RBPMS: variants seen among roughly 807,000 people sequenced by gnomAD.
RBPMS encodes RNA-binding protein with multiple splicing.
RBPMS carries 7 observed loss-of-function variants against 26.8 expected under a neutral mutation model. The ratio of observed to expected loss-of-function variants is 0.26; its 90% confidence interval spans 0.15 to 0.49. RBPMS has a LOEUF of 0.49. Among genes scored for constraint, RBPMS ranks in the 20% least tolerant of loss-of-function variants. The pLI, the probability that RBPMS is intolerant of heterozygous loss-of-function variation, is 0.98. For missense variants in RBPMS, 186 were observed against 250.0 expected (o/e 0.74, Z 1.73); for synonymous variants, 96 against 93.3 (o/e 1.03, Z -0.17).
At chr8:30,460,988 G>A (rs1485880602) in intron 1 of RBPMS, among the ~76,000 whole-genome samples, 1 of 150,294 alleles carries the variant, frequency 6.7e-6, no homozygotes, top group Non-Finnish European at 1.5e-5. Context: ...GGTAGGTGGA[G>A]TTTGTAGTGA....
At chr8:30,495,057 G>A (rs1819783713) in intron 4 of RBPMS, among the ~76,000 whole-genome samples, 1 of 152,172 alleles carries the variant, frequency 6.6e-6, no homozygotes, top group Non-Finnish European at 1.5e-5. Context: ...ATGAGGATGA[G>A]ATTAGGCTTC....
chr8:30,549,638 G>A (rs1197356900), intron 6 of RBPMS: 11 of 1,376,772 alleles, frequency 8.0e-6, no homozygotes, highest in Admixed American at 3.4e-5. Context: ...AGGGGCGGAC[G>A]GGGAGGCCAG....
At chr8:30,449,277 AGTCTT>A (rs1273229040) in intron 1 of RBPMS, among the ~76,000 whole-genome samples, 1 of 151,690 alleles carries the variant, frequency 6.6e-6, no homozygotes, top group African/African-American at 2.4e-5. Flanking sequence ...TTTCTGACTT[AGTCTT>A]ATGTTCAGAT....
intron 1 of RBPMS, among the ~76,000 whole-genome samples, chr8:30,439,228 C>G (rs971987205): frequency 6.6e-6 from 1 of 152,150 alleles, no homozygotes; most frequent in African/African-American, 2.4e-5. Flanking sequence ...TGGAGATAAA[C>G]TTTGTGTGTG....
intron 5 of RBPMS, among the ~76,000 whole-genome samples, chr8:30,531,019 T>C (rs186029946): frequency 1.8e-4 from 27 of 152,270 alleles, no homozygotes; most frequent in Admixed American, 1.4e-3. Flanking sequence ...TATGCAACTT[T>C]TTCCATCTTT....
rs1818043578 is a variant in RBPMS, at chr8:30,479,433, T to C, written c.246+56T>C. On this transcript the variant is annotated intron_variant, in intron 4 of 8. Transcript: ENST00000397323. Reference sequence around the variant, plus strand: ...TTCCATATGAGGTGGTGGGAAGTAATGGAATCTCTTTGGACGGGAAATCAA... The same window carrying C: ...TTCCATATGAGGTGGTGGGAAGTAACGGAATCTCTTTGGACGGGAAATCAA... 8.0e-6 allele frequency: 10 copies of C among 1,250,596 alleles called. No homozygotes were observed. The East Asian group carries it at 2.3e-4, about 29-fold the overall frequency. The allele number at this position is 1,250,596 out of a possible 1,614,324, so 77.5% of individuals were successfully genotyped here. A position where few individuals can be genotyped will look rare whatever the true frequency, so the allele number is the denominator to read the frequency against.
At chr8:30,508,643 C>T (rs1821294580) in intron 5 of RBPMS, among the ~76,000 whole-genome samples, 1 of 151,644 alleles carries the variant, frequency 6.6e-6, no homozygotes, top group Admixed American at 6.6e-5. Flanking sequence ...TGGTAACATA[C>T]CATAGTTTTA....
At chr8:30,430,309 A>G (rs913862123) in intron 1 of RBPMS, among the ~76,000 whole-genome samples, 2 of 152,182 alleles carry the variant, frequency 1.3e-5, no homozygotes, top group Non-Finnish European at 2.9e-5. Flanking sequence ...GAAGAGAATC[A>G]TACTACTTTA....
rs999139429 is a variant in RBPMS, at chr8:30,454,729, AT to A, written c.67-20048del. 4.6e-5 allele frequency among the ~76,000 whole-genome samples: 7 copies of A among 152,342 alleles called. No individual in the cohort carries two copies. In the South Asian group the frequency reaches 1.2e-3, roughly 27 times the overall value. On this transcript the variant is annotated intron_variant, in intron 1 of 8. Coordinates refer to ENST00000397323, the MANE Select transcript of RBPMS (RefSeq NM_001008710.3). ...ACTTTAGGGTACTACTGTGTTACAC[AT>A]TGTTGAATCTATTATTTGTGTGTAT...
intron 2 of RBPMS, among the ~76,000 whole-genome samples, chr8:30,475,566 G>T (rs1817597204): frequency 1.3e-5 from 2 of 152,176 alleles, no homozygotes; most frequent in South Asian, 4.1e-4. Flanking sequence ...GCAGTGCCTG[G>T]CAGAGACCAC....
At chr8:30,548,138 AGTT>A (rs1826013457) in intron 6 of RBPMS, among the ~76,000 whole-genome samples, 1 of 152,244 alleles carries the variant, frequency 6.6e-6, no homozygotes, top group Non-Finnish European at 1.5e-5. Flanking sequence ...GTGATCATCC[AGTT>A]TACTTTCAAG....
Position 30,529,592 on chromosome 8 carries a change from G to C in RBPMS, c.398-14902G>C, listed in dbSNP as rs189352386. Among the ~76,000 whole-genome samples, 21 of 152,260 alleles carry C rather than the reference G, an allele frequency of 1.4e-4. 1 individual carries two copies. The highest frequency in any genetic ancestry group is 4.8e-4 in the African/African-American group (20 of 41,560). ...TCCCTCCTTTCCTTGTCACCTGGTA[G>C]CTGAAAATCTACTTTCTTTCTGTCT... On this transcript the variant is annotated intron_variant, in intron 5 of 8. Transcript: ENST00000397323.
intron 4 of RBPMS, among the ~76,000 whole-genome samples, chr8:30,491,976 C>T (rs1004857256): frequency 2.0e-5 from 3 of 152,166 alleles, no homozygotes; most frequent in Non-Finnish European, 4.4e-5. Context: ...CTGCAATCTC[C>T]GGCCTCCACG....
At chr8:30,552,840 G>T (rs1361734381) in intron 6 of RBPMS, 1 of 152,220 alleles carries the variant, frequency 6.6e-6, no homozygotes, top group Non-Finnish European at 1.5e-5. Context: ...ACCCAGCTTT[G>T]ATCAGGCTTA....
chr8:30,437,477 A>G (rs1440972573), intron 1 of RBPMS, among the ~76,000 whole-genome samples: 1 of 150,602 alleles, frequency 6.6e-6, no homozygotes, highest in Non-Finnish European at 1.5e-5. Context: ...CAGTATGGTA[A>G]AACTCCATCT....
At position 30,530,541 on chromosome 8, in the gene RBPMS, C is replaced by T. The variant is rs147525499; in HGVS notation, c.398-13953C>T. Among the ~76,000 whole-genome samples the T allele has an allele frequency of 9.5e-4, 144 of 152,264 alleles. 1 individual carries two copies. The highest frequency in any genetic ancestry group is 3.4e-3 in the African/African-American group (140 of 41,546). On this transcript the variant is annotated intron_variant, in intron 5 of 8. Transcript: ENST00000397323. ...GCAGTGGTGCGATCTCAGCTCACTG[C>T]ACCATCCGCTTCCTGGGTTCAAACG...
chr8:30,545,247 T>G (rs1825776483), intron 6 of RBPMS: 8 of 1,229,760 alleles, frequency 6.5e-6, no homozygotes, highest in Non-Finnish European at 7.2e-6. Context: ...TGACCAGCTT[T>G]CTTTCTTAGT....
chr8:30,429,566 T>C (rs993449982), intron 1 of RBPMS, among the ~76,000 whole-genome samples: 2 of 152,190 alleles, frequency 1.3e-5, no homozygotes, highest in Non-Finnish European at 2.9e-5. Flanking sequence ...CAGTCTATAA[T>C]CTGATTTTGT....
At chr8:30,419,825 A>T (rs899341625) in intron 1 of RBPMS, among the ~76,000 whole-genome samples, 1 of 152,188 alleles carries the variant, frequency 6.6e-6, no homozygotes. Flanking sequence ...CTCACCCTGT[A>T]CTAATCAATT....
Sources: gnomAD v4.1 joint callset for allele counts (sites outside exome capture counted in the v4.1 genomes callset) on GRCh38, gnomAD v4.1.1 for gene constraint, MANE v1.5 for transcripts, NCBI Gene and HGNC (gene_info 2026-07-23, HGNC 2026-07-21) for gene names.